The following SERF1A variants were observed in gnomAD, a reference collection of about 807,000 sequenced individuals.
The protein encoded by SERF1A is small EDRK-rich factor 1A, also known as small EDRK-rich factor 1.
chr5:70,912,341 GGTTT>G (rs1273740424), downstream of SERF1A, among the ~76,000 whole-genome samples: 1 of 1,836 alleles, frequency 5.4e-4, no homozygotes, highest in African/African-American at 1.2e-3. Flanking sequence ...ACTTACTACA[GGTTT>G]GTTTTTTTCA....
chr5:70,913,020 T>C (rs1749148113), downstream of SERF1A, among the ~76,000 whole-genome samples: 1 of 66,030 alleles, frequency 1.5e-5, no homozygotes, highest in Non-Finnish European at 3.2e-5. Flanking sequence ...TGAGCCGAGA[T>C]TGCACCACTG....
chr5:70,910,798 A>ATTTT (rs1249752268), downstream of SERF1A, among the ~76,000 whole-genome samples: 8 of 20,922 alleles, frequency 3.8e-4, no homozygotes, highest in Middle Eastern at 0.014. Flanking sequence ...TATTATTATT[A>ATTTT]TTTTTTTTTT....
chr5:70,913,096 G>A (rs556094401), downstream of SERF1A, among the ~76,000 whole-genome samples: 41 of 139,656 alleles, frequency 2.9e-4, no homozygotes, highest in African/African-American at 9.1e-4. Flanking sequence ...AAACAAGGCC[G>A]GGCATGGTGG....
At chr5:70,903,808 TA>T (rs1749018706) in intron 2 of SERF1A, among the ~76,000 whole-genome samples, 1 of 36,128 alleles carries the variant, frequency 2.8e-5, no homozygotes, top group Non-Finnish European at 5.4e-5. Context: ...CCGTCTCTAC[TA>T]ATAATACAAA....
downstream of SERF1A, among the ~76,000 whole-genome samples, chr5:70,912,012 T>A (rs1023433189): frequency 4.4e-5 from 1 of 22,862 alleles, no homozygotes; most frequent in Non-Finnish European, 9.5e-5. Context: ...TCTCAAAACA[T>A]ACACACACAC....
downstream of SERF1A, among the ~76,000 whole-genome samples, chr5:70,912,215 A>G (rs1332810525): frequency 1.6e-3 from 8 of 4,948 alleles, no homozygotes; most frequent in African/African-American, 2.9e-3. Context: ...TAGCAATTAC[A>G]TATTGGAATA....
In SERF1A at chr5:70,904,392, CA is replaced by C. The variant is rs1165296840; in HGVS notation, c.116+2471del. Among the ~76,000 whole-genome samples, 27 of 32,082 alleles carry C rather than the reference CA, an allele frequency of 8.4e-4. 1 individual carries two copies. The highest frequency in any genetic ancestry group is 1.4e-3 in the East Asian group (1 of 698). The allele number at this position is 32,082 out of a possible 152,430, so 21.0% of individuals were successfully genotyped here. A position where few individuals can be genotyped will look rare whatever the true frequency, so the allele number is the denominator to read the frequency against. On this transcript the variant is annotated intron_variant, in intron 2 of 2. Coordinates refer to ENST00000317633, the MANE Select transcript of SERF1A (RefSeq NM_022968.2). ...CCTGGGCGACAGAGCGAGGCTCCGT[CA>C]AAAAAAAAAAACCTTTATGTGTACA... is the stretch of plus-strand genomic sequence containing the variant.
At chr5:70,912,057 A>ACACACACACACACACTCT (rs1184160284), downstream of SERF1A, among the ~76,000 whole-genome samples, 2 of 18,602 alleles carry the variant, frequency 1.1e-4, no homozygotes, top group African/African-American at 4.1e-4. Context: ...ACACACACAC[A>ACACACACACACACACTCT]CTCTCTCTCT....
At chr5:70,913,265 A>G (rs1202325937) in intron 2 of SERF1A, among the ~76,000 whole-genome samples, 4 of 103,968 alleles carry the variant, frequency 3.8e-5, no homozygotes, top group Non-Finnish European at 4.0e-5. Context: ...TGTAATCCCA[A>G]CTACTTGGGA....
intron 2 of SERF1A, chr5:70,905,103 C>G (rs1304118345): frequency 6.5e-6 from 1 of 153,868 alleles, no homozygotes; most frequent in Non-Finnish European, 1.1e-5. Flanking sequence ...TGTGCAGCCA[C>G]TATTAAGAGT....
chr5:70,913,390 A>AC (rs1008217859), intron 2 of SERF1A, among the ~76,000 whole-genome samples: 4 of 144,082 alleles, frequency 2.8e-5, no homozygotes, highest in Non-Finnish European at 6.1e-5. Flanking sequence ...AAAAAAAAAA[A>AC]AAAAAAAAAA....
chr5:70,904,622 G>C lies in SERF1A; in HGVS notation c.116+2689G>C, dbSNP rs1580875969. Among the ~76,000 whole-genome samples, 2 of 47,494 alleles carry C rather than the reference G, an allele frequency of 4.2e-5. 1 individual carries two copies. Among genetic ancestry groups the C allele is most frequent in the East Asian group, 2.6e-3 (2 of 766 alleles). The allele number at this position is 47,494 out of a possible 152,430, so 31.2% of individuals were successfully genotyped here. A position where few individuals can be genotyped will look rare whatever the true frequency, so the allele number is the denominator to read the frequency against. On this transcript the variant is annotated intron_variant, in intron 2 of 2. Coordinates refer to ENST00000317633, the MANE Select transcript of SERF1A (RefSeq NM_022968.2). Reference sequence around the variant, plus strand: ...TGCTGGAGTGCAGTGGCGTGATCTCGGCTCACTGCAACCTCCACCTCCTGG... The same window carrying C: ...TGCTGGAGTGCAGTGGCGTGATCTCCGCTCACTGCAACCTCCACCTCCTGG...
chr5:70,913,158 C>T (rs897884864), intron 2 of SERF1A, among the ~76,000 whole-genome samples: 2 of 143,660 alleles, frequency 1.4e-5, no homozygotes, highest in African/African-American at 5.0e-5. Flanking sequence ...GTGGGCAGAT[C>T]ACCTGAGGTC....
At chr5:70,910,782 A>AATTATTATT (rs1313756780), downstream of SERF1A, among the ~76,000 whole-genome samples, 1 of 18,766 alleles carries the variant, frequency 5.3e-5, no homozygotes, top group Non-Finnish European at 1.2e-4. Context: ...GAATAATTTT[A>AATTATTATT]ATTATTATTA....
chr5:70,912,057 A>ACACACACT (rs1184160284), downstream of SERF1A, among the ~76,000 whole-genome samples: 26 of 18,604 alleles, frequency 1.4e-3, no homozygotes, highest in African/African-American at 4.1e-3. Flanking sequence ...ACACACACAC[A>ACACACACT]CTCTCTCTCT....
downstream of SERF1A, among the ~76,000 whole-genome samples, chr5:70,909,082 GTTT>G (rs1239868777): frequency 1.9e-5 from 1 of 53,144 alleles, no homozygotes; most frequent in Non-Finnish European, 4.2e-5. Flanking sequence ...TTTGTGGGGT[GTTT>G]TTTTTTTTTT....
chr5:70,912,053 A>ACTCTCTCTCTCT (rs1376885416), downstream of SERF1A, among the ~76,000 whole-genome samples: 1 of 38,052 alleles, frequency 2.6e-5, no homozygotes, highest in Non-Finnish European at 4.8e-5. Flanking sequence ...ACACACACAC[A>ACTCTCTCTCTCT]CACACTCTCT....
chr5:70,909,831 CT>C (rs1259948590), downstream of SERF1A, among the ~76,000 whole-genome samples: 1 of 36 alleles, frequency 0.028, no homozygotes, highest in African/African-American at 0.17. Flanking sequence ...ATCATTAGTA[CT>C]TTTTTTTTTT....
chr5:70,904,320 G>A (rs1749027060), intron 2 of SERF1A, among the ~76,000 whole-genome samples: 1 of 30,602 alleles, frequency 3.3e-5, no homozygotes, highest in Non-Finnish European at 5.1e-5. Context: ...GCGTGAACCC[G>A]GGAGGCGGAG....
Sources: gnomAD v4.1 joint callset for allele counts (sites outside exome capture counted in the v4.1 genomes callset) on GRCh38, gnomAD v4.1.1 for gene constraint, MANE v1.5 for transcripts, NCBI Gene and HGNC (gene_info 2026-07-23, HGNC 2026-07-21) for gene names.